The following ADAMTS14 variants were observed in gnomAD, a reference collection of about 807,000 sequenced individuals.
ADAMTS14 encodes A disintegrin and metalloproteinase with thrombospondin motifs 14.
A neutral mutation model predicts 128.6 loss-of-function variants in ADAMTS14; 100 were observed. The observed-to-expected ratio is 0.78, with a 90% CI of 0.66 to 0.92. The LOEUF (loss-of-function observed/expected upper bound fraction) is 0.92. ADAMTS14 is among the 40% of genes least tolerant of loss of function. The pLI is 0.00. For synonymous variants in ADAMTS14, 665 were observed against 653.8 expected, an observed-to-expected ratio of 1.02 and a Z score of -0.26; for missense variants, 1,562 against 1,658.6, an observed-to-expected ratio of 0.94 and a Z score of 1.01.
chr10:70,683,111 C>T lies in ADAMTS14; in HGVS notation c.522+8116C>T, dbSNP rs1839862803. 2.0e-5 allele frequency among the ~76,000 whole-genome samples: 3 copies of T among 152,242 alleles called. 1 individual carries two copies. The highest frequency in any genetic ancestry group is 1.3e-4 in the Admixed American group (2 of 15,292). ...TGCGCCCTGGCAGGCCCTGCAGGCC[C>T]GCTGTGGCACGCTGTCCCTGGGCCT... is the stretch of plus-strand genomic sequence containing the variant. On this transcript the variant is annotated intron_variant, in intron 2 of 21. Transcript: ENST00000373207.
chr10:70,734,511 A>G (rs1440619936), intron 8 of ADAMTS14, among the ~76,000 whole-genome samples: 1 of 152,054 alleles, frequency 6.6e-6, no homozygotes, highest in Admixed American at 6.5e-5. Flanking sequence ...GCTTTCCCCC[A>G]GGCCCCAAGG....
chr10:70,734,079 A>G (rs766221769), intron 8 of ADAMTS14, 51 bp downstream of exon 8: 4 of 1,585,392 alleles, frequency 2.5e-6, no homozygotes, highest in East Asian at 2.3e-5. Context: ...GCGACCTGCC[A>G]CTCTGAGCAG....
intron 2 of ADAMTS14, among the ~76,000 whole-genome samples, chr10:70,691,487 T>TAAAAAAAAAAAA (rs11373533): frequency 1.2e-5 from 1 of 86,688 alleles, no homozygotes. Context: ...GAGACCCTGT[T>TAAAAAAAAAAAA]AAAAAAAAAA....
At chr10:70,736,889 C>A in intron 10 of ADAMTS14, 96 bp downstream of exon 10, 2 of 1,096,154 alleles carry the variant, frequency 1.8e-6, no homozygotes, top group South Asian at 1.4e-5. Context: ...CTGACCCCTC[C>A]CTCCAAGTGC....
rs779176426 is a variant in ADAMTS14, at chr10:70,741,103, A to G, written c.1865A>G (p.Asn622Ser). Reference protein sequence around the residue: ...DFRAQQCAKRNSYYVHQNAKH... With the variant: ...DFRAQQCAKRSSYYVHQNAKH... The stretch of plus-strand genomic sequence containing the variant: ...CGGGCCCAGCAGTGTGCCAAGCGCA[A>G]CTCCTACTATGTGCACCAGAATGCC... The change falls in exon 12 of 22, where the codon AAC becomes AGC. Residue 622 changes from asparagine to serine, a missense_variant. Physicochemically the swap from Asn to Ser is conservative, Grantham distance 46. Coordinates refer to ENST00000373207, the MANE Select transcript of ADAMTS14 (RefSeq NM_080722.4). 1 of 1,613,796 alleles carries G rather than the reference A, an allele frequency of 6.2e-7. No individual in the cohort carries two copies. Among genetic ancestry groups the G allele is most frequent in the East Asian group, 2.2e-5 (1 of 44,866 alleles).
At chr10:70,700,775 G>A (rs1051951872) in intron 2 of ADAMTS14, among the ~76,000 whole-genome samples, 1 of 152,246 alleles carries the variant, frequency 6.6e-6, no homozygotes, top group African/African-American at 2.4e-5. Flanking sequence ...CACCGGGCAG[G>A]ACGTTGGCAG....
In ADAMTS14 at chr10:70,698,368, G is replaced by A. The variant is rs537167067; in HGVS notation, c.523-3944G>A. Among the ~76,000 whole-genome samples the A allele has an allele frequency of 3.9e-4, 60 of 152,334 alleles. 2 individuals are homozygous for A. The highest frequency in any genetic ancestry group is 1.4e-3 in the African/African-American group (58 of 41,576). On this transcript the variant is annotated intron_variant, in intron 2 of 21. Transcript: ENST00000373207. Reference sequence around the variant, plus strand: ...TAATGAGGAGGCAGAGAGCCAGAAAGTGCTCACTGCCAGCCAGTCTATGCT... The same window carrying A: ...TAATGAGGAGGCAGAGAGCCAGAAAATGCTCACTGCCAGCCAGTCTATGCT...
At chr10:70,708,849 C>T (rs1015120542) in intron 4 of ADAMTS14, 71 bp downstream of exon 4, 8 of 1,226,318 alleles carry the variant, frequency 6.5e-6, no homozygotes, top group Non-Finnish European at 6.6e-6. Context: ...CCACTGGGCC[C>T]CAGTGCTGAT....
chr10:70,708,569 C>T lies in ADAMTS14; in HGVS notation c.680-19C>T. On this transcript the variant is annotated intron_variant, in intron 3 of 21. Coordinates refer to ENST00000373207, the MANE Select transcript of ADAMTS14 (RefSeq NM_080722.4). Reference sequence around the variant, plus strand: ...CCTCCTGTGGGTTGGACCTCACTCTCTTCCTGTCTTGGTTCCAGCCTTTGG... The same window carrying T: ...CCTCCTGTGGGTTGGACCTCACTCTTTTCCTGTCTTGGTTCCAGCCTTTGG... The T allele has an allele frequency of 1.9e-6, 3 of 1,590,544 alleles. No individual in the cohort carries two copies. The highest frequency in any genetic ancestry group is 2.6e-6 in the Non-Finnish European group (3 of 1,162,954).
chr10:70,701,715 A>T (rs1296312090), intron 2 of ADAMTS14, among the ~76,000 whole-genome samples: 1 of 152,168 alleles, frequency 6.6e-6, no homozygotes, highest in Non-Finnish European at 1.5e-5. Context: ...AAAAACATGC[A>T]TTCCTGGCTC....
chr10:70,743,515 G>A (rs779285041), intron 12 of ADAMTS14, 33 bp from the exon 13 acceptor site: 25 of 1,601,752 alleles, frequency 1.6e-5, no homozygotes, highest in Non-Finnish European at 2.0e-5. Context: ...TCTGAGCCCA[G>A]CTGGGGACTC....
chr10:70,683,089 G>A (rs543846316), intron 2 of ADAMTS14, among the ~76,000 whole-genome samples: 8 of 152,334 alleles, frequency 5.3e-5, no homozygotes, highest in East Asian at 1.9e-4. Context: ...GCCCTCCTGC[G>A]CCCTGGCAGG....
In ADAMTS14 at chr10:70,736,794, G is replaced by T; in HGVS notation, c.1599+1G>T. 6.2e-7 allele frequency: 1 copy of T among 1,613,274 alleles called. No homozygotes were observed. The highest frequency in any genetic ancestry group is 8.5e-7 in the Non-Finnish European group (1 of 1,179,494). ...TGGGACTGAGTGTGCACCCGGCAAGGTACCTGTGGGGTGTGCAGCAGGAGT... is the reference window on the plus strand; with the variant it reads ...TGGGACTGAGTGTGCACCCGGCAAGTTACCTGTGGGGTGTGCAGCAGGAGT... On this transcript the variant is annotated splice_donor_variant, in intron 10 of 21. Coordinates refer to ENST00000373207, the MANE Select transcript of ADAMTS14 (RefSeq NM_080722.4). LOFTEE classifies it high-confidence loss of function.
intron 4 of ADAMTS14, among the ~76,000 whole-genome samples, chr10:70,724,493 G>T (rs969664270): frequency 6.6e-5 from 10 of 152,260 alleles, no homozygotes; most frequent in African/African-American, 2.2e-4. Context: ...GCCAGGTCCT[G>T]GGTGCACAGC....
intron 6 of ADAMTS14, among the ~76,000 whole-genome samples, chr10:70,731,166 G>C (rs1427939302): frequency 1.3e-5 from 2 of 151,912 alleles, no homozygotes; most frequent in Non-Finnish European, 2.9e-5. Flanking sequence ...ACATAAGCCA[G>C]TGTGTACATG....
intron 2 of ADAMTS14, among the ~76,000 whole-genome samples, chr10:70,680,260 T>G (rs12261255): frequency 0.25 from 37,353 of 151,728 alleles, 4,908 homozygotes; most frequent in Middle Eastern, 0.34. Context: ...AATTAGCCGG[T>G]CATGGTGGGG....
chr10:70,734,087 C>A, intron 8 of ADAMTS14, 59 bp downstream of exon 8: 1 of 1,577,544 alleles, frequency 6.3e-7, no homozygotes. Context: ...CCACTCTGAG[C>A]AGACATCACA....
chr10:70,756,862 T>A (rs1842488776), intron 19 of ADAMTS14, among the ~76,000 whole-genome samples: 1 of 152,210 alleles, frequency 6.6e-6, no homozygotes. Flanking sequence ...CAACTCTGAT[T>A]TAGTTGGGTG....
intron 7 of ADAMTS14, among the ~76,000 whole-genome samples, chr10:70,733,019 G>C (rs993331204): frequency 2.6e-5 from 4 of 152,206 alleles, no homozygotes; most frequent in African/African-American, 9.7e-5. Flanking sequence ...ACACAAATGA[G>C]CTACTGTTCA....
Sources: allele counts gnomAD v4.1 joint callset (sites outside exome capture counted in the v4.1 genomes callset), GRCh38; gene constraint gnomAD v4.1.1; transcripts MANE v1.5; gene names NCBI Gene and HGNC (gene_info 2026-07-23, HGNC 2026-07-21).